TRAPPC8: variants seen among roughly 807,000 people sequenced by gnomAD.
TRAPPC8 encodes general sporulation gene 1 homolog.
A neutral mutation model predicts 174.3 loss-of-function variants in TRAPPC8; 54 were observed. That is an observed-to-expected ratio of 0.31 (90% CI 0.25 to 0.39). The LOEUF (loss-of-function observed/expected upper bound fraction) is 0.39. Among genes scored for constraint, TRAPPC8 ranks in the 10% least tolerant of loss-of-function variants. TRAPPC8 has a pLI of 1.00. For missense variants in TRAPPC8, 1,531 were observed against 1,699.1 expected, an observed-to-expected ratio of 0.90 and a Z score of 1.74; for synonymous variants, 630 against 579.9, an observed-to-expected ratio of 1.09 and a Z score of -1.24.
At position 31,890,751 on chromosome 18, in the gene TRAPPC8, A is replaced by T. The variant is rs747334574; in HGVS notation, c.1712T>A (p.Phe571Tyr). The T allele has an allele frequency of 3.7e-6, 6 of 1,611,406 alleles. No homozygotes were observed. The South Asian group carries it at 4.4e-5, about 12-fold the overall frequency. ...AFHMILAGHR[F>Y]SKAGQKKHAL... ...TGCACTCACCTGCCCTGCTTTACTA[A>T]ATCGATGGCCTGCCAATATCATATG... is the stretch of plus-strand genomic sequence containing the variant. Residue 571 changes from phenylalanine to tyrosine, a missense_variant, in exon 12 of 29, where the codon TTT (phenylalanine) becomes TAT (tyrosine). Phe to Tyr is a conservative substitution (Grantham distance 22). Transcript: ENST00000283351.
intron 12 of TRAPPC8, among the ~76,000 whole-genome samples, chr18:31,887,583 T>C (rs1019134465): frequency 2.7e-5 from 4 of 150,362 alleles, no homozygotes; most frequent in Non-Finnish European, 5.9e-5. Context: ...GAGGCAGAGG[T>C]TGCAGTGAGC....
At chr18:31,891,971 T>C (rs939606941) in intron 11 of TRAPPC8, among the ~76,000 whole-genome samples, 2 of 152,222 alleles carry the variant, frequency 1.3e-5, no homozygotes, top group Non-Finnish European at 2.9e-5. Context: ...AGATGATTGC[T>C]CTAGTAATTA....
chr18:31,899,828 C>T (rs2036338567), intron 10 of TRAPPC8, among the ~76,000 whole-genome samples: 1 of 151,808 alleles, frequency 6.6e-6, no homozygotes. Flanking sequence ...TGCCTGTAAT[C>T]CCACCTACTT....
chr18:31,870,740 T>C (rs1194503244), intron 15 of TRAPPC8, among the ~76,000 whole-genome samples, 186 bp downstream of exon 15: 2 of 152,204 alleles, frequency 1.3e-5, no homozygotes, highest in Non-Finnish European at 2.9e-5. Context: ...TATTCCAACA[T>C]CACATTGCAA....
At chr18:31,942,037 CTTA>C (rs1309921710) in intron 1 of TRAPPC8, among the ~76,000 whole-genome samples, 1 of 152,168 alleles carries the variant, frequency 6.6e-6, no homozygotes, top group Non-Finnish European at 1.5e-5. Context: ...TTTTATTCTT[CTTA>C]TAATACTTTT....
chr18:31,876,076 T>G (rs75328836), intron 12 of TRAPPC8, among the ~76,000 whole-genome samples: 4,595 of 152,294 alleles, frequency 0.03, 250 homozygotes, highest in African/African-American at 0.1. Context: ...GTGATGGATA[T>G]CCCAAGTTCA....
chr18:31,886,002 A>AATT (rs916211052), intron 12 of TRAPPC8, among the ~76,000 whole-genome samples: 6 of 150,844 alleles, frequency 4.0e-5, no homozygotes, highest in African/African-American at 2.4e-5. Flanking sequence ...ATTGTTTCCA[A>AATT]ATTATTATTA....
At chr18:31,870,641 G>A (rs2034809002) in intron 15 of TRAPPC8, 139 bp from the exon 16 acceptor site, 4 of 968,032 alleles carry the variant, frequency 4.1e-6, no homozygotes, top group Non-Finnish European at 6.1e-6. Flanking sequence ...AAATGTCCAC[G>A]TATTCAGGAT....
chr18:31,832,088 T>C lies in TRAPPC8; in HGVS notation c.4069A>G (p.Thr1357Ala). 3.9e-6 allele frequency: 6 copies of C among 1,536,758 alleles called. No individual in the cohort carries two copies. The highest frequency in any genetic ancestry group is 4.3e-6 in the Non-Finnish European group (5 of 1,151,592). The change falls in exon 28 of 29, where the codon ACA (threonine) becomes GCA (alanine). Residue 1357 changes from threonine (T) to alanine (A), a missense_variant. Transcript: ENST00000283351. The part of the protein sequence containing the change: ...DVIVDLRHKT[T>A]SPEALEIHGS... ...TTGCACTAAACAAATCTTTACCTTG[T>C]TGTTTTATGCCGAAGATCAACTATG...
chr18:31,835,105 G>A (rs368079998), intron 27 of TRAPPC8, among the ~76,000 whole-genome samples: 135 of 151,960 alleles, frequency 8.9e-4, no homozygotes, highest in Middle Eastern at 6.8e-3. Context: ...TCTTTTTTCT[G>A]TTCCCATTCT....
intron 12 of TRAPPC8, among the ~76,000 whole-genome samples, chr18:31,881,675 A>G (rs2035461518): frequency 6.6e-6 from 1 of 152,204 alleles, no homozygotes; most frequent in African/African-American, 2.4e-5. Context: ...AAGCTTCTGC[A>G]CAGCAAAAGA....
In TRAPPC8 at chr18:31,902,459, T is replaced by C. The variant is rs75478004; in HGVS notation, c.1390-1434A>G. Among the ~76,000 whole-genome samples, 604 of 152,354 alleles carry C rather than the reference T, an allele frequency of 4.0e-3. 5 individuals are homozygous for C. The highest frequency in any genetic ancestry group is 0.014 in the African/African-American group (584 of 41,584). The stretch of plus-strand genomic sequence containing the variant: ...CTTACCCCCAGTGTTCTCCCAGATA[T>C]TCTGCCTAACAGCTTTAAGTGGGAG... On this transcript the variant is annotated intron_variant, in intron 9 of 28. Coordinates refer to ENST00000283351, the MANE Select transcript of TRAPPC8 (RefSeq NM_014939.5).
chr18:31,873,352 G>GC (rs1201073329), intron 14 of TRAPPC8, 78 bp downstream of exon 14: 2 of 1,214,804 alleles, frequency 1.6e-6, no homozygotes, highest in Non-Finnish European at 2.3e-6. Context: ...ACTATACATC[G>GC]TTTTTTAAAT....
intron 4 of TRAPPC8, among the ~76,000 whole-genome samples, chr18:31,915,470 G>GGT (rs1424507004): frequency 8.9e-6 from 1 of 112,014 alleles, no homozygotes; most frequent in South Asian, 3.3e-4. Flanking sequence ...CAAAAAAAAA[G>GGT]GGGGGGGGGG....
In TRAPPC8 at chr18:31,866,918, A is replaced by G; in HGVS notation, c.2521T>C (p.Tyr841His). The change falls in exon 18 of 29, where the codon TAT becomes CAT. Residue 841 changes from tyrosine (Y) to histidine (H), a missense_variant. Tyr to His is a moderately conservative substitution (Grantham distance 83). Transcript: ENST00000283351. ...GAGCCCTGAATAGTGCCAAGATTAT[A>G]AACAACTCCCAGAATATGCAGCTCC... ...IGELHILGVV[Y>H]NLGTIQGSMT... The G allele has an allele frequency of 6.2e-7, 1 of 1,613,754 alleles. No individual in the cohort carries two copies. Among genetic ancestry groups the G allele is most frequent in the Non-Finnish European group, 8.5e-7 (1 of 1,179,782 alleles).
intron 9 of TRAPPC8, 70 bp from the exon 10 acceptor site, chr18:31,901,095 A>C: frequency 7.3e-7 from 1 of 1,374,646 alleles, no homozygotes; most frequent in Non-Finnish European, 9.9e-7. Context: ...GGGAAACTAA[A>C]AGTTGGAATG....
chr18:31,927,082 T>C (rs2037648750), intron 2 of TRAPPC8, among the ~76,000 whole-genome samples: 2 of 151,452 alleles, frequency 1.3e-5, no homozygotes, highest in Admixed American at 1.3e-4. Flanking sequence ...TTTTATCATT[T>C]TGTCTATGTA....
rs150996649 is a variant in TRAPPC8, at chr18:31,832,142, A to C, written c.4015T>G (p.Ser1339Ala). 3,638 of 1,553,714 alleles carry C rather than the reference A, an allele frequency of 2.3e-3. 7 individuals are homozygous for C. Among genetic ancestry groups the C allele is most frequent in the Non-Finnish European group, 3.0e-3 (3,436 of 1,160,110 alleles). Residue 1339 changes from serine to alanine, a missense_variant, in exon 28 of 29, where the codon TCC becomes GCC. Physicochemically the swap from Ser to Ala is moderately conservative, Grantham distance 99. Coordinates refer to ENST00000283351, the MANE Select transcript of TRAPPC8 (RefSeq NM_014939.5). Reference sequence around the variant, plus strand: ...TCTACATCAGCCTTAGAACAATTGGAAAGTAAAAGAGTGACTGGTACTAAA... The same window carrying C: ...TCTACATCAGCCTTAGAACAATTGGCAAGTAAAAGAGTGACTGGTACTAAA... ...LCLVPVTLLLSNCSKADVDVI... is the reference protein window; with the variant it reads ...LCLVPVTLLLANCSKADVDVI...
chr18:31,892,213 GTAAC>G (rs1334045017), intron 11 of TRAPPC8, among the ~76,000 whole-genome samples: 1 of 152,178 alleles, frequency 6.6e-6, no homozygotes, highest in Non-Finnish European at 1.5e-5. Context: ...ATTTGCCAGA[GTAAC>G]TATTCTTTAC....
Sources: allele counts gnomAD v4.1 joint callset (sites outside exome capture counted in the v4.1 genomes callset), GRCh38; gene constraint gnomAD v4.1.1; transcripts MANE v1.5; gene names NCBI Gene and HGNC (gene_info 2026-07-23, HGNC 2026-07-21).